Variants in WASHC4 observed in about 807,000 individuals in gnomAD.
WASHC4 encodes WASH complex subunit 7.
Under a neutral mutation model 166.6 loss-of-function variants are expected in WASHC4, and 86 were observed. The ratio of observed to expected loss-of-function variants is 0.52; its 90% CI spans 0.43 to 0.62. WASHC4 has a LOEUF of 0.62. Ranked by LOEUF, WASHC4 falls within the 20% of genes least tolerant of loss-of-function variation. The probability of loss-of-function intolerance (pLI) is 0.00; values close to 1 mark genes in which losing one functional copy is unlikely to be tolerated. For missense variants in WASHC4, 1,262 were observed against 1,382.4 expected (o/e 0.91, Z 1.38); for synonymous variants, 446 against 451.6 (o/e 0.99, Z 0.16).
At position 105,152,374 on chromosome 12, in the gene WASHC4, G is replaced by A. The variant is rs767026269; in HGVS notation, c.2681G>A (p.Arg894Gln). 4.4e-6 allele frequency: 7 copies of A among 1,602,372 alleles called. No homozygotes were observed. The highest frequency in any genetic ancestry group is 2.2e-5 in the East Asian group (1 of 44,766). Residue 894 changes from arginine (R) to glutamine (Q), a missense_variant, in exon 26 of 33, where the codon CGA becomes CAA. By Grantham distance (43) the Arg-to-Gln change is conservative. Transcript: ENST00000332180. ...TTTGATAGAGCAGAAAAATTCAATC[G>A]AGGCATCAGAAAACTTGGAGTAACA... ...YPFDRAEKFNRGIRKLGVTPE... is the reference protein window; with the variant it reads ...YPFDRAEKFNQGIRKLGVTPE...
At position 105,133,908 on chromosome 12, in the gene WASHC4, T is replaced by G. The variant is rs776581664; in HGVS notation, c.1326+12T>G. ...ATGTTTTTATACAGGTAGTTGCATC[T>G]TATTTCGGGGAATCATTTTTTTGTT... On this transcript the variant is annotated intron_variant, in intron 14 of 32. Coordinates refer to ENST00000332180, the MANE Select transcript of WASHC4 (RefSeq NM_015275.3). 6.2e-7 allele frequency: 1 copy of G among 1,609,290 alleles called. No homozygotes were observed. The highest frequency in any genetic ancestry group is 8.5e-7 in the Non-Finnish European group (1 of 1,177,324).
At chr12:105,139,120 G>T (rs545160498) in intron 15 of WASHC4, among the ~76,000 whole-genome samples, 2 of 151,886 alleles carry the variant, frequency 1.3e-5, no homozygotes, top group Admixed American at 1.3e-4. Context: ...TGTATTTTTT[G>T]ATCCATTTTT....
At position 105,143,278 on chromosome 12, in the gene WASHC4, A is replaced by G. The variant is rs773784195; in HGVS notation, c.2010+35A>G. 6 of 1,188,928 alleles carry G rather than the reference A, an allele frequency of 5.0e-6. No homozygotes were observed. The Middle Eastern group carries it at 7.6e-4, about 150-fold the overall frequency. The allele number at this position is 1,188,928 out of a possible 1,614,324, so 73.6% of individuals were successfully genotyped here. On this transcript the variant is annotated intron_variant, in intron 20 of 32. Coordinates refer to ENST00000332180, the MANE Select transcript of WASHC4 (RefSeq NM_015275.3). Reference sequence around the variant, plus strand: ...TATTTGAGATTGAAAAGCTTAAAACATGTTTGGAATGTAGTGTTTGGAAAA... The same window carrying G: ...TATTTGAGATTGAAAAGCTTAAAACGTGTTTGGAATGTAGTGTTTGGAAAA...
At position 105,156,117 on chromosome 12, in the gene WASHC4, G is replaced by T. The variant is rs114547871; in HGVS notation, c.2759-609G>T. Among the ~76,000 whole-genome samples, 899 of 152,326 alleles carry T rather than the reference G, an allele frequency of 5.9e-3. 11 individuals carry two copies. Among genetic ancestry groups the T allele is most frequent in the African/African-American group, 0.02 (833 of 41,570 alleles). ...TGCCCAGTCATTTTGATTATAAAAT[G>T]TGAGAGAAAGGAGCCAGGGATGACT... On this transcript the variant is annotated intron_variant, in intron 26 of 32. Transcript: ENST00000332180.
chr12:105,115,086 G>A (rs1289656519), intron 4 of WASHC4, 98 bp from the exon 5 acceptor site: 46 of 651,484 alleles, frequency 7.1e-5, no homozygotes. Context: ...AAATGATGTA[G>A]CCCTCTGTTT....
At position 105,142,904 on chromosome 12, in the gene WASHC4, T is replaced by C. The variant is rs980021782; in HGVS notation, c.1894-223T>C. On this transcript the variant is annotated intron_variant, in intron 19 of 32. Coordinates refer to ENST00000332180, the MANE Select transcript of WASHC4 (RefSeq NM_015275.3). ...CTTTATGGAAATAAGTGTGTTTAAA[T>C]GCACAAGATAGGAAAGGACTAGCGA... 2.0e-5 allele frequency among the ~76,000 whole-genome samples: 3 copies of C among 152,104 alleles called. No homozygotes were observed. In the East Asian group the frequency reaches 5.8e-4, roughly 29 times the overall value.
chr12:105,149,179 T>G, intron 24 of WASHC4: 3 of 985,356 alleles, frequency 3.0e-6, no homozygotes, highest in Non-Finnish European at 3.6e-6. Flanking sequence ...ATGTGGTATC[T>G]TCAGGAAGGT....
At chr12:105,115,618 A>C in intron 5 of WASHC4, 43 bp from the exon 6 acceptor site, 1 of 1,466,342 alleles carries the variant, frequency 6.8e-7, no homozygotes, top group Non-Finnish European at 9.6e-7. Context: ...ATTGAGTTTA[A>C]ATTTAAAAAA....
chr12:105,116,238 A>C (rs1880167880), intron 6 of WASHC4, among the ~76,000 whole-genome samples: 1 of 152,150 alleles, frequency 6.6e-6, no homozygotes. Flanking sequence ...AAAATAGTGC[A>C]TGTACGATGT....
At chr12:105,154,531 C>T (rs1343016285) in intron 26 of WASHC4, among the ~76,000 whole-genome samples, 2 of 152,150 alleles carry the variant, frequency 1.3e-5, no homozygotes, top group Non-Finnish European at 2.9e-5. Context: ...TGTTTTAACT[C>T]ACGTGAATCT....
intron 29 of WASHC4, among the ~76,000 whole-genome samples, chr12:105,160,828 GC>G (rs1884451034): frequency 6.6e-6 from 1 of 152,082 alleles, no homozygotes; most frequent in Non-Finnish European, 1.5e-5. Context: ...ATTTCTTAAA[GC>G]ATATTGTTTC....
intron 8 of WASHC4, 61 bp from the exon 9 acceptor site, chr12:105,121,040 C>A: frequency 9.1e-7 from 1 of 1,100,312 alleles, no homozygotes; most frequent in Non-Finnish European, 1.4e-6. Context: ...CTTTAAACGT[C>A]TACATGAGGC....
intron 13 of WASHC4, among the ~76,000 whole-genome samples, chr12:105,132,502 C>A (rs1881929915): frequency 6.6e-6 from 1 of 152,166 alleles, no homozygotes; most frequent in Admixed American, 6.5e-5. Context: ...AAAAGTATAG[C>A]TTAAACAGCT....
chr12:105,158,323 T>C (rs931165465), intron 28 of WASHC4, among the ~76,000 whole-genome samples: 3 of 152,152 alleles, frequency 2.0e-5, no homozygotes, highest in Non-Finnish European at 4.4e-5. Context: ...AGGAGAAAAC[T>C]GTCTTTACAG....
Position 105,167,456 on chromosome 12 carries a change from ACT to A in WASHC4, c.*529_*530del, listed in dbSNP as rs1299834547. 1.3e-5 allele frequency: 2 copies of A among 158,392 alleles called. No homozygotes were observed. The highest frequency in any genetic ancestry group is 2.8e-5 in the Non-Finnish European group (2 of 71,388). 9.8% of individuals were successfully genotyped at this position (158,392 alleles called of 1,614,324 possible). A position where few individuals can be genotyped will look rare whatever the true frequency, so the allele number is the denominator to read the frequency against. On this transcript the variant is annotated 3_prime_UTR_variant, in exon 33 of 33. Transcript: ENST00000332180. ...GAGGTGAGGCACAAGTGTTTTATGTACTCTCAGTGTACAGTATAACTGATGAT... is the reference window on the plus strand; with the variant it reads ...GAGGTGAGGCACAAGTGTTTTATGTACTCAGTGTACAGTATAACTGATGAT...
At chr12:105,111,098 A>G (rs756546800) in intron 1 of WASHC4, 27 bp from the exon 2 acceptor site, 3 of 1,558,030 alleles carry the variant, frequency 1.9e-6, no homozygotes, top group Non-Finnish European at 2.6e-6. Context: ...TGCACTTATC[A>G]CATACTGTTT....
intron 30 of WASHC4, among the ~76,000 whole-genome samples, chr12:105,163,431 A>C (rs974244272): frequency 6.6e-6 from 1 of 152,070 alleles, no homozygotes; most frequent in East Asian, 1.9e-4. Context: ...GTACAGTTTT[A>C]ACGTCTTATA....
At chr12:105,121,311 G>A (rs1880719800) in intron 9 of WASHC4, 107 bp downstream of exon 9, 4 of 720,380 alleles carry the variant, frequency 5.6e-6, no homozygotes, top group African/African-American at 1.8e-5. Context: ...AAGACCTGGG[G>A]ATTGATATTT....
At chr12:105,134,951 GTTTAA>G (rs1002699942) in intron 14 of WASHC4, among the ~76,000 whole-genome samples, 2 of 151,144 alleles carry the variant, frequency 1.3e-5, no homozygotes, top group African/African-American at 4.9e-5. Context: ...CTCTCTATTA[GTTTAA>G]TTCTATATTA....
Sources: allele counts gnomAD v4.1 joint callset (sites outside exome capture counted in the v4.1 genomes callset), GRCh38; gene constraint gnomAD v4.1.1; transcripts MANE v1.5; gene names NCBI Gene and HGNC (gene_info 2026-07-23, HGNC 2026-07-21).